ATOSA: variants seen among roughly 807,000 people sequenced by gnomAD.
The protein encoded by ATOSA is atos homolog A, also known as atos homolog protein A.
the ATOSA span, chr15:52,613,601 T>C: frequency 5.6e-6 from 8 of 1,424,254 alleles, no homozygotes; most frequent in Non-Finnish European, 7.6e-6. Flanking sequence ...ATAACTGTAA[T>C]AAAATAAAGG....
chr15:52,590,879 G>C, the ATOSA span: 21 of 152,192 alleles, frequency 1.4e-4, no homozygotes, highest in South Asian at 4.1e-4. Context: ...AATGTTATCA[G>C]AGAAAAGAAA....
chr15:52,606,701 G>C, the ATOSA span, among the ~76,000 whole-genome samples: 2 of 152,180 alleles, frequency 1.3e-5, no homozygotes, highest in African/African-American at 4.8e-5. Flanking sequence ...GCCAGTGTAG[G>C]TTTTTGTGAC....
chr15:52,672,136 A>AG, the ATOSA span, among the ~76,000 whole-genome samples: 3 of 128,774 alleles, frequency 2.3e-5, no homozygotes, highest in East Asian at 6.2e-4. Flanking sequence ...CAGGAGAATG[A>AG]GAACAGTCTG....
the ATOSA span, chr15:52,652,144 T>G: frequency 8.7e-7 from 1 of 1,152,864 alleles, no homozygotes; most frequent in African/African-American, 1.6e-5. Flanking sequence ...CTAGGTCCAC[T>G]ACAGCTTCCT....
the ATOSA span, chr15:52,648,780 G>A: frequency 6.6e-6 from 1 of 152,156 alleles, no homozygotes; most frequent in South Asian, 2.1e-4. Flanking sequence ...ATCCATGTAT[G>A]AGCCTTAGGG....
the ATOSA span, among the ~76,000 whole-genome samples, chr15:52,686,135 G>A: frequency 8.5e-5 from 13 of 152,160 alleles, no homozygotes; most frequent in Non-Finnish European, 1.6e-4. Flanking sequence ...AAGCAGTGAT[G>A]GGTAGACTTC....
At chr15:52,596,673 C>T in the ATOSA span, among the ~76,000 whole-genome samples, 6 of 152,100 alleles carry the variant, frequency 3.9e-5, no homozygotes, top group East Asian at 1.9e-4. Context: ...TGGGTAGAGG[C>T]CAGAGATTCT....
At chr15:52,582,637 G>A in the ATOSA span, among the ~76,000 whole-genome samples, 3 of 151,986 alleles carry the variant, frequency 2.0e-5, no homozygotes, top group African/African-American at 4.8e-5. Context: ...GCAGGTTCAC[G>A]TGGCAGTTCA....
chr15:52,671,767 A>G, the ATOSA span, among the ~76,000 whole-genome samples: 1 of 151,902 alleles, frequency 6.6e-6, no homozygotes, highest in African/African-American at 2.4e-5. Context: ...AAGAACAACA[A>G]GGAGACACCA....
chr15:52,596,741 C>T, the ATOSA span, among the ~76,000 whole-genome samples: 1 of 152,248 alleles, frequency 6.6e-6, no homozygotes. Context: ...ACTCAAATAT[C>T]AACAGTATTA....
At chr15:52,609,516 C>A in the ATOSA span, 1 of 1,613,826 alleles carries the variant, frequency 6.2e-7, no homozygotes, top group Non-Finnish European at 8.5e-7. Flanking sequence ...CTCCAACAGG[C>A]ATATGAGAAT....
At chr15:52,609,352 AACACTTTAG>A in the ATOSA span, 1 of 1,613,944 alleles carries the variant, frequency 6.2e-7, no homozygotes, top group Non-Finnish European at 8.5e-7. Context: ...TGAACTCCTA[AACACTTTAG>A]ATGCAACCGA....
chr15:52,692,813 T>A, the ATOSA span, among the ~76,000 whole-genome samples: 132 of 122,292 alleles, frequency 1.1e-3, 1 homozygote, highest in South Asian at 1.4e-3. Flanking sequence ...GCGTCAGCTA[T>A]AGCACAGGGC....
chr15:52,686,731 G>C, the ATOSA span, among the ~76,000 whole-genome samples: 1 of 152,176 alleles, frequency 6.6e-6, no homozygotes, highest in East Asian at 1.9e-4. Context: ...TTTCAGATGG[G>C]GTCTTGCAAT....
At chr15:52,678,063 T>G in the ATOSA span, 2 of 1,613,452 alleles carry the variant, frequency 1.2e-6, no homozygotes, top group Non-Finnish European at 1.7e-6. Context: ...GAAATGCACC[T>G]GTGGGTTCTT....
chr15:52,607,490 T>A, the ATOSA span, among the ~76,000 whole-genome samples: 2 of 152,048 alleles, frequency 1.3e-5, no homozygotes, highest in African/African-American at 4.8e-5. Context: ...TATTGTGAGG[T>A]AGTAGAAAGG....
At chr15:52,679,777 C>A in the ATOSA span, among the ~76,000 whole-genome samples, 4 of 124,278 alleles carry the variant, frequency 3.2e-5, no homozygotes, top group Admixed American at 7.6e-5. Flanking sequence ...CCTCCTCCTC[C>A]TCCTCCTCCT....
chr15:52,640,049 TG>T, the ATOSA span, among the ~76,000 whole-genome samples: 1 of 151,924 alleles, frequency 6.6e-6, no homozygotes, highest in African/African-American at 2.4e-5. Flanking sequence ...TGAGCCACCG[TG>T]CCTGGCCGAT....
At chr15:52,611,337 A>G in the ATOSA span, 1 of 1,526,062 alleles carries the variant, frequency 6.6e-7, no homozygotes, top group Admixed American at 1.9e-5. Flanking sequence ...TGAGATCCAT[A>G]AACTTATCAC....
Sources: allele counts gnomAD v4.1 joint callset (sites outside exome capture counted in the v4.1 genomes callset), GRCh38; gene constraint gnomAD v4.1.1; transcripts MANE v1.5; gene names NCBI Gene and HGNC (gene_info 2026-07-23, HGNC 2026-07-21).